The following PPP2R2B variants were observed in gnomAD, a reference collection of about 807,000 sequenced individuals.
PPP2R2B encodes serine/threonine-protein phosphatase 2A 55 kDa regulatory subunit B beta isoform.
A neutral mutation model predicts 46.0 loss-of-function variants in PPP2R2B; 5 were observed. The observed-to-expected ratio is 0.11, with a 90% CI of 0.06 to 0.23. The LOEUF (loss-of-function observed/expected upper bound fraction) is 0.23, where lower values mean the gene tolerates loss of function less well. Ranked by LOEUF, PPP2R2B falls within the 10% of genes least tolerant of loss-of-function variation. The pLI is 1.00. For missense variants in PPP2R2B, 367 were observed against 575.0 expected, an observed-to-expected ratio of 0.64 and a Z score of 3.70; for synonymous variants, 215 against 206.7, an observed-to-expected ratio of 1.04 and a Z score of -0.34.
rs1469455732 is a variant in PPP2R2B, at chr5:147,011,990, T to C, written c.79+43675A>G. ...CTGGATTCGGTTTGCCAGTATTTTATTGAGGATTTTTGCATCAATGTTCAT... is the reference window on the plus strand; with the variant it reads ...CTGGATTCGGTTTGCCAGTATTTTACTGAGGATTTTTGCATCAATGTTCAT... On this transcript the variant is annotated intron_variant, in intron 1 of 8. Transcript: ENST00000336640. 2.7e-5 allele frequency among the ~76,000 whole-genome samples: 4 copies of C among 146,674 alleles called. No homozygotes were observed. In the South Asian group the frequency reaches 6.8e-4, roughly 25 times the overall value.
intron 7 of PPP2R2B, among the ~76,000 whole-genome samples, chr5:146,632,070 C>CG (rs1162699597): frequency 3.8e-5 from 5 of 132,658 alleles, no homozygotes; most frequent in Admixed American, 2.3e-4. Context: ...TGCCCCCCCC[C>CG]CCGCCCATTC....
At chr5:147,033,708 C>T (rs1379198605) in intron 1 of PPP2R2B, among the ~76,000 whole-genome samples, 4 of 152,110 alleles carry the variant, frequency 2.6e-5, no homozygotes, top group Non-Finnish European at 4.4e-5. Flanking sequence ...ATATTTCCCT[C>T]ATTGACACCA....
At chr5:147,005,449 T>C (rs1484333605) in intron 1 of PPP2R2B, among the ~76,000 whole-genome samples, 1 of 152,206 alleles carries the variant, frequency 6.6e-6, no homozygotes, top group Non-Finnish European at 1.5e-5. Flanking sequence ...TAATCCTACA[T>C]GCCCATGCTG....
At chr5:146,795,493 A>G (rs1756474588) in intron 2 of PPP2R2B, among the ~76,000 whole-genome samples, 1 of 152,186 alleles carries the variant, frequency 6.6e-6, no homozygotes, top group Non-Finnish European at 1.5e-5. Flanking sequence ...TTGAACTCAT[A>G]GAAACAGAGT....
At chr5:146,890,687 A>G (rs1043415554) in intron 1 of PPP2R2B, among the ~76,000 whole-genome samples, 5 of 152,218 alleles carry the variant, frequency 3.3e-5, no homozygotes, top group African/African-American at 1.2e-4. Context: ...TAAAAATAAT[A>G]ATATTAAACA....
intron 2 of PPP2R2B, among the ~76,000 whole-genome samples, chr5:146,748,906 T>C (rs904383956): frequency 6.6e-6 from 1 of 152,220 alleles, no homozygotes; most frequent in Non-Finnish European, 1.5e-5. Context: ...CAAAGACAAA[T>C]ACCCAGAGGT....
chr5:146,643,205 A>G (rs544377835), intron 6 of PPP2R2B, among the ~76,000 whole-genome samples: 23 of 152,066 alleles, frequency 1.5e-4, no homozygotes, highest in African/African-American at 5.3e-4. Flanking sequence ...AGAGAGAGAG[A>G]GGGAGACAGA....
chr5:146,584,545 C>G lies in PPP2R2B; in HGVS notation c.*5402G>C, dbSNP rs1727068697. 1 of 152,158 alleles carries G rather than the reference C, an allele frequency of 6.6e-6. No individual in the cohort carries two copies. The highest frequency in any genetic ancestry group is 6.5e-5 in the Admixed American group (1 of 15,276). 9.4% of individuals were successfully genotyped at this position (152,158 alleles called of 1,614,324 possible). The stretch of plus-strand genomic sequence containing the variant: ...GGATAGATCTAGATAAAACTTCCTG[C>G]TACGTCATCTAACCCTTTTGAGTCT... On this transcript the variant is annotated 3_prime_UTR_variant, in exon 10 of 10. Coordinates refer to ENST00000394411, the MANE Select transcript of PPP2R2B (RefSeq NM_181675.4).
intron 6 of PPP2R2B, among the ~76,000 whole-genome samples, chr5:146,649,089 A>C (rs1443887526): frequency 1.3e-5 from 2 of 152,344 alleles, no homozygotes; most frequent in Middle Eastern, 3.4e-3. Context: ...TTGCAGTCAC[A>C]GTGGTGAGAG....
At chr5:146,983,266 C>A (rs1753263665) in intron 1 of PPP2R2B, among the ~76,000 whole-genome samples, 1 of 141,434 alleles carries the variant, frequency 7.1e-6, no homozygotes, top group Non-Finnish European at 1.5e-5. Flanking sequence ...CTGCAAGCTC[C>A]ACCTCCCGGG....
At chr5:147,023,303 T>C (rs1211228716) in intron 1 of PPP2R2B, among the ~76,000 whole-genome samples, 1 of 151,950 alleles carries the variant, frequency 6.6e-6, no homozygotes, top group Non-Finnish European at 1.5e-5. Flanking sequence ...GTAGAGGAGA[T>C]AGTATGCCAA....
At chr5:146,964,468 G>A (rs941923198) in intron 1 of PPP2R2B, among the ~76,000 whole-genome samples, 2 of 151,966 alleles carry the variant, frequency 1.3e-5, no homozygotes, top group Admixed American at 6.6e-5. Context: ...GGACCAGCCC[G>A]CAACAGCCCA....
chr5:146,723,276 C>T (rs1006667613), intron 2 of PPP2R2B, among the ~76,000 whole-genome samples: 1 of 152,160 alleles, frequency 6.6e-6, no homozygotes, highest in Non-Finnish European at 1.5e-5. Context: ...GTTGGTCTCC[C>T]TGTTTGAAAC....
intron 1 of PPP2R2B, among the ~76,000 whole-genome samples, chr5:146,889,489 A>C (rs1025605985): frequency 1.3e-5 from 2 of 152,192 alleles, no homozygotes; most frequent in Non-Finnish European, 2.9e-5. Flanking sequence ...GGTTCAGATA[A>C]GTTTCTTTGG....
chr5:146,616,580 A>G (rs1773190208), intron 7 of PPP2R2B, among the ~76,000 whole-genome samples: 1 of 152,212 alleles, frequency 6.6e-6, no homozygotes. Context: ...ATGAATAGAT[A>G]TTTATCAAAA....
At chr5:146,941,887 G>A (rs1420222326) in intron 1 of PPP2R2B, among the ~76,000 whole-genome samples, 1 of 152,148 alleles carries the variant, frequency 6.6e-6, no homozygotes, top group Non-Finnish European at 1.5e-5. Context: ...TGAAATCAAG[G>A]TGTTGGCAGG....
intron 1 of PPP2R2B, among the ~76,000 whole-genome samples, chr5:147,045,554 C>T (rs113681816): frequency 3.3e-5 from 5 of 152,158 alleles, no homozygotes; most frequent in East Asian, 1.9e-4. Flanking sequence ...CATCATTAAG[C>T]GATGCATGAC....
At chr5:146,907,656 C>T (rs969907551) in intron 1 of PPP2R2B, among the ~76,000 whole-genome samples, 1 of 152,232 alleles carries the variant, frequency 6.6e-6, no homozygotes, top group African/African-American at 2.4e-5. Context: ...GGAGAAACCC[C>T]CTTTTCCATT....
intron 1 of PPP2R2B, among the ~76,000 whole-genome samples, chr5:146,971,731 C>A (rs930444050): frequency 3.3e-5 from 5 of 152,156 alleles, no homozygotes; most frequent in African/African-American, 1.2e-4. Context: ...TTTCCTACAG[C>A]ATTTCCAACA....
Sources: gnomAD v4.1 joint callset for allele counts (sites outside exome capture counted in the v4.1 genomes callset) on GRCh38, gnomAD v4.1.1 for gene constraint, MANE v1.5 for transcripts, NCBI Gene and HGNC (gene_info 2026-07-23, HGNC 2026-07-21) for gene names.